The following ASIC2 variants were observed in gnomAD, a reference collection of about 807,000 sequenced individuals.
The protein encoded by ASIC2 is acid-sensing ion channel 2.
A neutral mutation model predicts 57.3 loss-of-function variants in ASIC2; 25 were observed. That is an observed-to-expected ratio of 0.44 (90% CI 0.32 to 0.61). The LOEUF (loss-of-function observed/expected upper bound fraction) is 0.61. Among genes scored for constraint, ASIC2 ranks in the 20% least tolerant of loss-of-function variants. ASIC2 has a pLI of 0.06. For synonymous variants in ASIC2, 319 were observed against 307.5 expected (o/e 1.04, Z -0.39); for missense variants, 641 against 738.1 (o/e 0.87, Z 1.52).
chr17:33,684,718 A>G (rs1015491658), intron 1 of ASIC2, among the ~76,000 whole-genome samples: 3 of 152,120 alleles, frequency 2.0e-5, no homozygotes, highest in Non-Finnish European at 2.9e-5. Context: ...GCAGGCCCCA[A>G]TGGTTTAAGA....
chr17:34,114,791 G>A (rs760136043), intron 1 of ASIC2, among the ~76,000 whole-genome samples: 48 of 152,168 alleles, frequency 3.2e-4, no homozygotes, highest in Non-Finnish European at 6.5e-4. Context: ...TGGAGCAATC[G>A]CCTGGAGCCA....
At chr17:33,460,350 T>C (rs1274384704) in intron 1 of ASIC2, among the ~76,000 whole-genome samples, 2 of 152,158 alleles carry the variant, frequency 1.3e-5, no homozygotes, top group Non-Finnish European at 2.9e-5. Flanking sequence ...AGCTGGTAGA[T>C]GGCATACAAG....
At chr17:34,134,043 G>C (rs985828806) in intron 1 of ASIC2, among the ~76,000 whole-genome samples, 1 of 152,146 alleles carries the variant, frequency 6.6e-6, no homozygotes, top group Non-Finnish European at 1.5e-5. Flanking sequence ...TACTTACCAA[G>C]TTCACATAGC....
intron 1 of ASIC2, among the ~76,000 whole-genome samples, chr17:33,441,506 T>C (rs1257173640): frequency 6.6e-6 from 1 of 152,182 alleles, no homozygotes; most frequent in Non-Finnish European, 1.5e-5. Context: ...AGGGTGTAAG[T>C]TTATTGTTTT....
chr17:33,139,578 G>A (rs1019214100), intron 1 of ASIC2, among the ~76,000 whole-genome samples: 1 of 152,146 alleles, frequency 6.6e-6, no homozygotes, highest in African/African-American at 2.4e-5. Context: ...TCTTATCTGG[G>A]CTACTGGGGT....
intron 1 of ASIC2, among the ~76,000 whole-genome samples, chr17:33,755,610 G>A (rs977920955): frequency 3.3e-5 from 5 of 152,166 alleles, no homozygotes; most frequent in Non-Finnish European, 7.3e-5. Flanking sequence ...CCTTCATTGG[G>A]TAACAAAATC....
intron 3 of ASIC2, among the ~76,000 whole-genome samples, chr17:33,058,586 T>C (rs937248531): frequency 2.0e-5 from 3 of 152,158 alleles, no homozygotes; most frequent in Admixed American, 2.0e-4. Flanking sequence ...ATTCTACTGC[T>C]GGCAGGCCCT....
intron 1 of ASIC2, among the ~76,000 whole-genome samples, chr17:33,451,129 T>C (rs1368953236): frequency 6.6e-6 from 1 of 151,884 alleles, no homozygotes; most frequent in Non-Finnish European, 1.5e-5. Flanking sequence ...CAGTCTCAGC[T>C]CACTGCAACC....
chr17:33,773,838 A>AT (rs1005656439), intron 1 of ASIC2, among the ~76,000 whole-genome samples: 92 of 149,678 alleles, frequency 6.1e-4, no homozygotes, highest in African/African-American at 1.6e-3. Context: ...TTTTATTATT[A>AT]TTTTTTTTTG....
At chr17:33,696,074 C>A (rs1015801695) in intron 1 of ASIC2, among the ~76,000 whole-genome samples, 4 of 152,198 alleles carry the variant, frequency 2.6e-5, no homozygotes, top group Non-Finnish European at 5.9e-5. Context: ...CTCTTACAAT[C>A]AGTGTGGCAG....
chr17:33,167,415 C>T (rs938351726), intron 1 of ASIC2, among the ~76,000 whole-genome samples: 5 of 152,188 alleles, frequency 3.3e-5, no homozygotes, highest in African/African-American at 1.2e-4. Flanking sequence ...GCCACCGTCA[C>T]ACTAGTTGAG....
At chr17:33,188,752 C>T (rs1295934296) in intron 1 of ASIC2, among the ~76,000 whole-genome samples, 1 of 151,740 alleles carries the variant, frequency 6.6e-6, no homozygotes, top group African/African-American at 2.4e-5. Context: ...TTCAAACATA[C>T]AAATAATGAC....
intron 1 of ASIC2, among the ~76,000 whole-genome samples, chr17:33,422,380 C>A (rs533265381): frequency 6.6e-6 from 1 of 152,218 alleles, no homozygotes; most frequent in South Asian, 2.1e-4. Flanking sequence ...TAGAGTAGGG[C>A]ATGCCAGGTG....
chr17:33,111,121 A>C (rs556895279), intron 2 of ASIC2, among the ~76,000 whole-genome samples: 29 of 151,950 alleles, frequency 1.9e-4, no homozygotes, highest in Non-Finnish European at 3.7e-4. Flanking sequence ...CTTCTGTCTG[A>C]CCTTCCTGAG....
At chr17:34,000,320 C>A (rs938857870) in intron 1 of ASIC2, among the ~76,000 whole-genome samples, 1 of 146,402 alleles carries the variant, frequency 6.8e-6, no homozygotes, top group Non-Finnish European at 1.5e-5. Flanking sequence ...GGTGCGATCT[C>A]GGCTCACCGC....
At chr17:33,350,217 G>T (rs71377480) in intron 1 of ASIC2, among the ~76,000 whole-genome samples, 2 of 152,292 alleles carry the variant, frequency 1.3e-5, no homozygotes, top group South Asian at 2.1e-4. Context: ...TGTCATCTTA[G>T]GTCGGTGTGG....
chr17:33,929,970 G>A (rs754967096), intron 1 of ASIC2, among the ~76,000 whole-genome samples: 1 of 152,226 alleles, frequency 6.6e-6, no homozygotes, highest in African/African-American at 2.4e-5. Flanking sequence ...GGTGGTGGGC[G>A]TCATGGCTAT....
chr17:34,109,905 A>G (rs1911206168), intron 1 of ASIC2, among the ~76,000 whole-genome samples: 1 of 152,014 alleles, frequency 6.6e-6, no homozygotes, highest in Admixed American at 6.6e-5. Flanking sequence ...GTGATACTGT[A>G]TAGATTTTAT....
chr17:34,055,382 C>A (rs1001964146), intron 1 of ASIC2, among the ~76,000 whole-genome samples: 4 of 152,146 alleles, frequency 2.6e-5, no homozygotes, highest in Non-Finnish European at 5.9e-5. Context: ...TTACTCCCTG[C>A]CCTCCCACTT....
Sources: allele counts gnomAD v4.1 joint callset (sites outside exome capture counted in the v4.1 genomes callset), GRCh38; gene constraint gnomAD v4.1.1; transcripts MANE v1.5; gene names NCBI Gene and HGNC (gene_info 2026-07-23, HGNC 2026-07-21).